Variants in STIM1 observed in about 807,000 individuals in gnomAD.
STIM1 encodes the protein stromal interaction molecule 1.
Under a neutral mutation model 74.7 loss-of-function variants are expected in STIM1, and 25 were observed. The observed-to-expected ratio is 0.33, with a 90% CI of 0.24 to 0.47. The LOEUF (loss-of-function observed/expected upper bound fraction) is 0.47, where lower values mean the gene tolerates loss of function less well. STIM1 is among the 20% of genes least tolerant of loss of function. The pLI is 1.00. For missense variants in STIM1, 728 were observed against 920.8 expected (o/e 0.79, Z 2.71); for synonymous variants, 328 against 348.8 (o/e 0.94, Z 0.66).
At chr11:3,927,137 C>T (rs532262183) in intron 1 of STIM1, among the ~76,000 whole-genome samples, 2 of 152,306 alleles carry the variant, frequency 1.3e-5, no homozygotes, top group African/African-American at 4.8e-5. Context: ...TCTGGCGGTT[C>T]AGATTTGGTC....
intron 5 of STIM1, among the ~76,000 whole-genome samples, chr11:4,060,677 C>A (rs2133111756): frequency 6.6e-6 from 1 of 152,314 alleles, no homozygotes; most frequent in South Asian, 2.1e-4. Context: ...CATTCACTAA[C>A]CTTTACTGAG....
chr11:3,959,462 G>A (rs2093260736), intron 1 of STIM1, among the ~76,000 whole-genome samples: 1 of 152,138 alleles, frequency 6.6e-6, no homozygotes, highest in Non-Finnish European at 1.5e-5. Flanking sequence ...CATTTAGCCA[G>A]CACATACTGA....
intron 2 of STIM1, among the ~76,000 whole-genome samples, chr11:4,008,377 T>C (rs189115860): frequency 1.3e-5 from 2 of 152,276 alleles, no homozygotes; most frequent in African/African-American, 4.8e-5. Context: ...TGACATATAA[T>C]GAAACCAATT....
chr11:4,033,670 A>C (rs917936019), intron 3 of STIM1, among the ~76,000 whole-genome samples: 1 of 150,876 alleles, frequency 6.6e-6, no homozygotes, highest in Non-Finnish European at 1.5e-5. Context: ...ATCTTGGCTC[A>C]CTGCAAGCTC....
chr11:3,918,269 C>T (rs937759651), intron 1 of STIM1, among the ~76,000 whole-genome samples: 6 of 152,162 alleles, frequency 3.9e-5, no homozygotes, highest in Admixed American at 2.0e-4. Context: ...ATAATTCTAG[C>T]ATTTTGGGAG....
chr11:4,080,633 G>GT (rs1185322255), intron 7 of STIM1, among the ~76,000 whole-genome samples: 1 of 151,868 alleles, frequency 6.6e-6, no homozygotes, highest in African/African-American at 2.4e-5. Context: ...CACCAGGCTA[G>GT]TTTTACAATT....
Position 3,977,960 on chromosome 11 carries a change from C to A in STIM1, c.270+10278C>A, listed in dbSNP as rs2093464532. ...CATCCCATGGCACCACAGCATTTAGCCATGGGAGCCACTCCCAGCAGTGTG... is the reference window on the plus strand; with the variant it reads ...CATCCCATGGCACCACAGCATTTAGACATGGGAGCCACTCCCAGCAGTGTG... On this transcript the variant is annotated intron_variant, in intron 2 of 12. Transcript: ENST00000526596. Among the ~76,000 whole-genome samples, 4 of 152,202 alleles carry A rather than the reference C, an allele frequency of 2.6e-5. No individual in the cohort carries two copies. The South Asian group carries it at 8.3e-4, about 32-fold the overall frequency.
intron 2 of STIM1, among the ~76,000 whole-genome samples, chr11:3,972,584 C>T (rs1379832431): frequency 6.6e-6 from 1 of 152,108 alleles, no homozygotes; most frequent in Non-Finnish European, 1.5e-5. Context: ...ACATTTTCCA[C>T]AGAAAAGAAA....
chr11:4,009,809 GGC>G (rs2093818433), intron 2 of STIM1, among the ~76,000 whole-genome samples: 1 of 151,928 alleles, frequency 6.6e-6, no homozygotes, highest in South Asian at 2.1e-4. Context: ...AGCTTACTGT[GGC>G]TAGATATTTT....
chr11:4,044,567 C>A (rs2094175496), intron 3 of STIM1, among the ~76,000 whole-genome samples: 1 of 152,168 alleles, frequency 6.6e-6, no homozygotes, highest in South Asian at 2.1e-4. Flanking sequence ...TTTGTTCAGA[C>A]TATAGTGACT....
chr11:4,073,070 T>TTC (rs869201831), intron 6 of STIM1, among the ~76,000 whole-genome samples: 1 of 149,630 alleles, frequency 6.7e-6, no homozygotes, highest in Admixed American at 6.6e-5. Flanking sequence ...TTTTTTTTTT[T>TTC]ACAGATTGAG....
intron 1 of STIM1, among the ~76,000 whole-genome samples, chr11:3,950,456 CAT>C (rs1271829273): frequency 1.5e-4 from 23 of 151,796 alleles, no homozygotes; most frequent in Non-Finnish European, 2.9e-4. Context: ...ATTGCTGAGT[CAT>C]GTACCATTGT....
intron 7 of STIM1, among the ~76,000 whole-genome samples, chr11:4,079,049 T>A (rs2094451380): frequency 6.6e-6 from 1 of 152,092 alleles, no homozygotes; most frequent in Admixed American, 6.5e-5. Context: ...CCCAGCACTT[T>A]GGGAGGCCAA....
intron 1 of STIM1, among the ~76,000 whole-genome samples, chr11:3,917,788 C>T (rs532022467): frequency 1.3e-4 from 20 of 152,138 alleles, no homozygotes; most frequent in South Asian, 4.2e-4. Context: ...GATTTGGAAA[C>T]CATAAAATGA....
At chr11:3,970,684 G>T (rs1264547941) in intron 2 of STIM1, among the ~76,000 whole-genome samples, 1 of 150,838 alleles carries the variant, frequency 6.6e-6, no homozygotes, top group Non-Finnish European at 1.5e-5. Flanking sequence ...TTATTTCCTT[G>T]TTAACTATTT....
intron 1 of STIM1, chr11:3,903,452 T>C (rs1419274238): frequency 6.6e-6 from 1 of 152,262 alleles, no homozygotes; most frequent in Non-Finnish European, 1.5e-5. Flanking sequence ...CTTGGAGTTA[T>C]TTCACAAATT....
chr11:4,058,948 T>G, intron 4 of STIM1: 2 of 1,131,728 alleles, frequency 1.8e-6, no homozygotes, highest in Non-Finnish European at 1.1e-6. Context: ...TGGTAGGAGG[T>G]GGGGAAAATA....
chr11:3,909,080 C>T (rs560298199), intron 1 of STIM1, among the ~76,000 whole-genome samples: 4 of 152,282 alleles, frequency 2.6e-5, no homozygotes, highest in Admixed American at 6.5e-5. Context: ...TGCTTCATGT[C>T]ACTTTTCTTT....
At chr11:3,886,645 G>A (rs548073477) in intron 1 of STIM1, among the ~76,000 whole-genome samples, 37 of 129,922 alleles carry the variant, frequency 2.8e-4, no homozygotes, top group Admixed American at 8.0e-4. Flanking sequence ...CAGACATCAC[G>A]CCACCTCACT....
Sources: allele counts gnomAD v4.1 joint callset (sites outside exome capture counted in the v4.1 genomes callset), GRCh38; gene constraint gnomAD v4.1.1; transcripts MANE v1.5; gene names NCBI Gene and HGNC (gene_info 2026-07-23, HGNC 2026-07-21).